ANKRD13C: variants seen among roughly 807,000 people sequenced by gnomAD.
ANKRD13C encodes the protein ankyrin repeat domain-containing protein 13C.
Under a neutral mutation model 65.5 loss-of-function variants are expected in ANKRD13C, and 16 were observed. The ratio of observed to expected loss-of-function variants is 0.24; its 90% CI spans 0.17 to 0.37. The LOEUF (loss-of-function observed/expected upper bound fraction) is 0.37. ANKRD13C is among the 10% of genes least tolerant of loss of function. ANKRD13C has a pLI of 1.00. For synonymous variants in ANKRD13C, 235 were observed against 238.7 expected, an observed-to-expected ratio of 0.98 and a Z score of 0.14; for missense variants, 503 against 655.9, an observed-to-expected ratio of 0.77 and a Z score of 2.55.
chr1:70,343,493 G>C (rs1378733769), intron 1 of ANKRD13C, among the ~76,000 whole-genome samples: 1 of 152,044 alleles, frequency 6.6e-6, no homozygotes, highest in Admixed American at 6.6e-5. Context: ...AAACTAAATC[G>C]AATTGTTTTG....
chr1:70,324,808 A>T lies in ANKRD13C; in HGVS notation c.577+45T>A, dbSNP rs1226256204. Reference sequence around the variant, plus strand: ...AAGAATATTTCAAATGCATCACTTCATATTTTTAGAAGATATATCAACAAC... The same window carrying T: ...AAGAATATTTCAAATGCATCACTTCTTATTTTTAGAAGATATATCAACAAC... On this transcript the variant is annotated intron_variant, in intron 3 of 12. Transcript: ENST00000370944. 6.6e-6 allele frequency: 9 copies of T among 1,366,930 alleles called. No homozygotes were observed. In the African/African-American group the frequency reaches 1.0e-4, roughly 15 times the overall value. 84.7% of individuals were successfully genotyped at this position (1,366,930 alleles called of 1,614,324 possible).
chr1:70,263,670 G>T (rs561685897), intron 12 of ANKRD13C, among the ~76,000 whole-genome samples: 1 of 152,240 alleles, frequency 6.6e-6, no homozygotes, highest in African/African-American at 2.4e-5. Flanking sequence ...CTGAAATGAG[G>T]TTGGGTGTGG....
rs371778364 is a variant in ANKRD13C at position 70,306,262 on chromosome 1, G to A, written c.738C>T (p.Ser246=). 306 of 1,578,312 alleles carry A rather than the reference G, an allele frequency of 1.9e-4. No individual in the cohort carries two copies. Among genetic ancestry groups the A allele is most frequent in the African/African-American group, 1.0e-3 (77 of 74,190 alleles). ...CTTGTTTGTATATTTTACATGCATCGGAAGGCAGAATTCGGGAAAGTAAAG... is the reference window on the plus strand; with the variant it reads ...CTTGTTTGTATATTTTACATGCATCAGAAGGCAGAATTCGGGAAAGTAAAG... ...WVPLLSRILP[S]DACKIYKQGI... The change falls in exon 6 of 13, where the codon TCC becomes TCT. Residue 246 remains serine (S), a synonymous_variant. Coordinates refer to ENST00000370944, the MANE Select transcript of ANKRD13C (RefSeq NM_030816.5).
chr1:70,285,187 CTTTTTTTTTTTTT>C (rs60703728), intron 9 of ANKRD13C, among the ~76,000 whole-genome samples: 1 of 105,236 alleles, frequency 9.5e-6, no homozygotes, highest in Non-Finnish European at 1.8e-5. Flanking sequence ...TTTATAATGT[CTTTTTTTTTTTTT>C]TTTTTTTTTT....
chr1:70,315,842 G>GT (rs1294374488), intron 3 of ANKRD13C, among the ~76,000 whole-genome samples: 3 of 152,168 alleles, frequency 2.0e-5, no homozygotes, highest in Admixed American at 2.0e-4. Flanking sequence ...GAATAAGTTA[G>GT]TAAGTAAGTT....
At chr1:70,304,208 A>AT (rs2101379155) in intron 6 of ANKRD13C, among the ~76,000 whole-genome samples, 1 of 151,712 alleles carries the variant, frequency 6.6e-6, no homozygotes, top group African/African-American at 2.4e-5. Context: ...TGCCCAGCTA[A>AT]TTTTTTGTAT....
chr1:70,316,364 C>CA (rs1681072877), intron 3 of ANKRD13C, among the ~76,000 whole-genome samples: 1 of 151,132 alleles, frequency 6.6e-6, no homozygotes, highest in South Asian at 2.1e-4. Flanking sequence ...TCTAAACTTC[C>CA]TTTTTTTTTC....
chr1:70,313,470 TAGTA>T lies in ANKRD13C; in HGVS notation c.709+271_709+274del, dbSNP rs570076562. ...GCCTGAGCCCAGGGGTTCGAGGCTG[TAGTA>T]AGCTATGATCGTACCACTGCACTCC... is the stretch of plus-strand genomic sequence containing the variant. On this transcript the variant is annotated intron_variant, in intron 5 of 12. Transcript: ENST00000370944. 5.0e-4 allele frequency among the ~76,000 whole-genome samples: 75 copies of T among 149,684 alleles called. No homozygotes were observed. The South Asian group carries it at 9.4e-3, about 19-fold the overall frequency.
chr1:70,318,989 C>G (rs1240381935), intron 3 of ANKRD13C, among the ~76,000 whole-genome samples: 1 of 152,068 alleles, frequency 6.6e-6, no homozygotes, highest in Admixed American at 6.6e-5. Flanking sequence ...CTAAACCTTT[C>G]TTTTAATTAC....
Position 70,315,595 on chromosome 1 carries a change from T to C in ANKRD13C, c.578-29A>G, listed in dbSNP as rs562529360. ...AAGTTTAAATTTTAAAAATAACTAA[T>C]TTAAATTTTCATCATGCAGTAAAAA... On this transcript the variant is annotated intron_variant, in intron 3 of 12. Transcript: ENST00000370944. 4.5e-6 allele frequency: 7 copies of C among 1,562,208 alleles called. 1 individual carries two copies. In the Admixed American group the frequency reaches 5.3e-5, roughly 12 times the overall value.
At position 70,262,492 on chromosome 1, in the gene ANKRD13C, T is replaced by A. The variant is rs1678427075; in HGVS notation, c.*225A>T. The A allele has an allele frequency of 9.6e-6, 3 of 311,682 alleles. No homozygotes were observed. Among genetic ancestry groups the A allele is most frequent in the Non-Finnish European group, 1.8e-5 (3 of 168,040 alleles). 19.3% of individuals were successfully genotyped at this position (311,682 alleles called of 1,614,324 possible). A position where few individuals can be genotyped will look rare whatever the true frequency, so the allele number is the denominator to read the frequency against. On this transcript the variant is annotated 3_prime_UTR_variant, in exon 13 of 13. Transcript: ENST00000370944. ...TAGGGTCATTAATGTGTCAAACTAT[T>A]ACATTTATAATATGTATATTTTTAA... is the stretch of plus-strand genomic sequence containing the variant.
At chr1:70,334,076 T>G (rs1681917414) in intron 2 of ANKRD13C, among the ~76,000 whole-genome samples, 1 of 152,168 alleles carries the variant, frequency 6.6e-6, no homozygotes, top group African/African-American at 2.4e-5. Flanking sequence ...GTAATCCCAG[T>G]GTTCTGGGAG....
intron 12 of ANKRD13C, among the ~76,000 whole-genome samples, chr1:70,267,360 T>TTTTTG (rs1231010249): frequency 6.6e-6 from 1 of 152,086 alleles, no homozygotes; most frequent in African/African-American, 2.4e-5. Flanking sequence ...TGGATCATGG[T>TTTTTG]TTTTGTTTTG....
At chr1:70,343,953 C>A (rs1044065024) in intron 1 of ANKRD13C, among the ~76,000 whole-genome samples, 10 of 152,108 alleles carry the variant, frequency 6.6e-5, no homozygotes, top group Non-Finnish European at 1.3e-4. Flanking sequence ...GAATTCAACA[C>A]CAGTCCATGC....
rs1377318557 is a variant in ANKRD13C at position 70,306,235 on chromosome 1, A to G, written c.765T>C (p.Gly255=). The change falls in exon 6 of 13, where the codon GGT becomes GGC. Residue 255 remains glycine, a synonymous_variant. Transcript: ENST00000370944. ...PSDACKIYKQ[G]INIRLDTTLI... ...TCAAATCACCTTACCTGATATTGAT[A>G]CCTTGTTTGTATATTTTACATGCAT... 1.3e-6 allele frequency: 2 copies of G among 1,571,622 alleles called. No homozygotes were observed. Among genetic ancestry groups the G allele is most frequent in the Non-Finnish European group, 1.7e-6 (2 of 1,157,434 alleles).
chr1:70,354,429 G>T lies in ANKRD13C; in HGVS notation c.-21C>A, dbSNP rs183412622. On this transcript the variant is annotated 5_prime_UTR_variant, in exon 1 of 13. Transcript: ENST00000370944. ...GTCATCGCCGCCGCCAGGGGCAAGG[G>T]GGGGAATCGGGAGGCTCACCGCTGG... is the stretch of plus-strand genomic sequence containing the variant. The T allele has an allele frequency of 5.9e-5, 95 of 1,600,298 alleles. No homozygotes were observed. In the East Asian group the frequency reaches 1.6e-3, roughly 28 times the overall value.
At position 70,309,694 on chromosome 1, in the gene ANKRD13C, C is replaced by T. The variant is rs1443544103; in HGVS notation, c.710-3404G>A. ...TGAGCCGAGATCGCGCTAGCCTGGG[C>T]GACAGAGCCAGACTCCGTCGCAAAA... On this transcript the variant is annotated intron_variant, in intron 5 of 12. Coordinates refer to ENST00000370944, the MANE Select transcript of ANKRD13C (RefSeq NM_030816.5). Among the ~76,000 whole-genome samples, 5 of 141,230 alleles carry T rather than the reference C, an allele frequency of 3.5e-5. No homozygotes were observed. The Admixed American group carries it at 3.7e-4, about 10-fold the overall frequency. 92.7% of individuals were successfully genotyped at this position (141,230 alleles called of 152,430 possible). A position where few individuals can be genotyped will look rare whatever the true frequency, so the allele number is the denominator to read the frequency against.
chr1:70,340,803 T>C (rs1682274112), intron 1 of ANKRD13C, among the ~76,000 whole-genome samples: 1 of 152,190 alleles, frequency 6.6e-6, no homozygotes. Context: ...TTTTCTCAGA[T>C]AATGTTTTCT....
In ANKRD13C at chr1:70,354,058, G is replaced by A; in HGVS notation, c.351C>T (p.His117=). ...TCACATCCCCCTTGAAGACGCACTC[G>A]TGCACCGGGTAGTGTGCGGGGCAAC... ...GGSCPAHYPV[H]ECVFKGDVRR... The change falls in exon 1 of 13, where the codon CAC becomes CAT. Residue 117 remains histidine, a synonymous_variant. Coordinates refer to ENST00000370944, the MANE Select transcript of ANKRD13C (RefSeq NM_030816.5). The A allele has an allele frequency of 1.9e-6, 3 of 1,603,414 alleles. No individual in the cohort carries two copies. Among genetic ancestry groups the A allele is most frequent in the Non-Finnish European group, 2.6e-6 (3 of 1,173,782 alleles).
Sources: gnomAD v4.1 joint callset for allele counts (sites outside exome capture counted in the v4.1 genomes callset) on GRCh38, gnomAD v4.1.1 for gene constraint, MANE v1.5 for transcripts, NCBI Gene and HGNC (gene_info 2026-07-23, HGNC 2026-07-21) for gene names.